The following NPIPB2 variants were observed in gnomAD, a reference collection of about 807,000 sequenced individuals.
The protein encoded by NPIPB2 is nuclear pore complex-interacting protein family member B2.
NPIPB2 carries 27 observed loss-of-function variants against 30.8 expected under a neutral mutation model. The observed-to-expected ratio is 0.88, with a 90% CI of 0.65 to 1.21. The LOEUF is 1.21. Ranked by LOEUF, NPIPB2 falls within the 50% of genes most tolerant of loss-of-function variation. NPIPB2 has a pLI of 0.00. For synonymous variants in NPIPB2, 147 were observed against 162.0 expected (o/e 0.91, Z 0.70); for missense variants, 440 against 446.2 (o/e 0.99, Z 0.13).
At chr16:11,964,952 G>GCTTA (rs2055181654) in intron 1 of NPIPB2, among the ~76,000 whole-genome samples, 1 of 152,164 alleles carries the variant, frequency 6.6e-6, no homozygotes, top group Non-Finnish European at 1.5e-5. Flanking sequence ...ATTAACAGAT[G>GCTTA]TTCCAGAAAC....
upstream of NPIPB2, among the ~76,000 whole-genome samples, chr16:11,942,268 AGT>A (rs2054952081): frequency 2.0e-5 from 3 of 148,788 alleles, no homozygotes; most frequent in African/African-American, 4.9e-5. Context: ...CTGTGCTAGA[AGT>A]CAATGATTAA....
upstream of NPIPB2, among the ~76,000 whole-genome samples, chr16:11,943,707 T>TA (rs913027578): frequency 2.2e-4 from 25 of 112,494 alleles, no homozygotes; most frequent in East Asian, 2.7e-4. Context: ...CGTCTTAAAA[T>TA]AAAAAAAAAA....
At chr16:11,969,013 C>T (rs1157717050) in intron 1 of NPIPB2, among the ~76,000 whole-genome samples, 6 of 151,886 alleles carry the variant, frequency 4.0e-5, no homozygotes, top group East Asian at 3.9e-4. Flanking sequence ...ATTACAGGCA[C>T]GTGGCACCAT....
At chr16:11,951,666 A>ACACACACACACACACACCC (rs1226047972) in intron 1 of NPIPB2, among the ~76,000 whole-genome samples, 1 of 138,868 alleles carries the variant, frequency 7.2e-6, no homozygotes, top group Non-Finnish European at 1.6e-5. Context: ...ACACACACAC[A>ACACACACACACACACACCC]CCCAGCCCCC....
intron 2 of NPIPB2, among the ~76,000 whole-genome samples, chr16:11,934,679 T>C (rs2054841376): frequency 6.6e-6 from 1 of 150,876 alleles, no homozygotes; most frequent in South Asian, 2.1e-4. Context: ...GGCAACATGG[T>C]GAAACCCCGT....
At chr16:11,933,673 G>T (rs1244503867) in exon 4 of NPIPB2, 8 of 1,596,882 alleles carry the variant, frequency 5.0e-6, no homozygotes, top group Non-Finnish European at 6.8e-6. Context: ...TGGAAAGGAA[G>T]AAACTCTTTT....
intron 1 of NPIPB2, among the ~76,000 whole-genome samples, chr16:11,960,868 TTTTC>T (rs955719606): frequency 4.0e-5 from 6 of 151,234 alleles, no homozygotes; most frequent in Non-Finnish European, 8.8e-5. Flanking sequence ...TTTTTCTTTC[TTTTC>T]TTTTTTTTTT....
intron 1 of NPIPB2, among the ~76,000 whole-genome samples, chr16:11,956,720 G>T (rs2055115796): frequency 1.3e-5 from 2 of 152,178 alleles, no homozygotes; most frequent in Non-Finnish European, 2.9e-5. Flanking sequence ...AGAATGCCCA[G>T]GAGGAACACT....
chr16:11,976,458 C>G lies in NPIPB2; in HGVS notation c.-584+110G>C, dbSNP rs149027803. On this transcript the variant is annotated intron_variant, in intron 1 of 5. Coordinates refer to the NPIPB2 transcript ENST00000538896. ...TTTTTATTTCCTTTCCCGCTCGCATCCCTCTCTGGGACGAAGTCGCCCCAT... is the reference window on the plus strand; with the variant it reads ...TTTTTATTTCCTTTCCCGCTCGCATGCCTCTCTGGGACGAAGTCGCCCCAT... The G allele has an allele frequency of 6.3e-4, 189 of 298,530 alleles. 1 individual carries two copies. Among genetic ancestry groups the G allele is most frequent in the African/African-American group, 3.9e-3 (178 of 45,824 alleles). 18.5% of individuals were successfully genotyped at this position (298,530 alleles called of 1,614,324 possible).
intron 1 of NPIPB2, among the ~76,000 whole-genome samples, chr16:11,969,143 C>T (rs2856799): frequency 2.0e-5 from 3 of 151,710 alleles, no homozygotes; most frequent in East Asian, 1.9e-4. Flanking sequence ...TTGGGATTAC[C>T]GGTGTGAGCT....
At chr16:11,953,461 C>G (rs1040992046) in intron 1 of NPIPB2, among the ~76,000 whole-genome samples, 1 of 152,150 alleles carries the variant, frequency 6.6e-6, no homozygotes, top group African/African-American at 2.4e-5. Context: ...AGCGATTCTC[C>G]TGCCTCAGCC....
At chr16:11,975,023 C>T (rs1302662984) in intron 1 of NPIPB2, among the ~76,000 whole-genome samples, 2 of 151,002 alleles carry the variant, frequency 1.3e-5, no homozygotes, top group Admixed American at 6.6e-5. Flanking sequence ...TGCAGTGAGC[C>T]AAGATCGCGC....
intron 1 of NPIPB2, among the ~76,000 whole-genome samples, chr16:11,951,619 T>TACCCATACACAC (rs1555509396): frequency 7.3e-4 from 85 of 115,898 alleles, no homozygotes; most frequent in Non-Finnish European, 1.1e-3. Flanking sequence ...ACACTGCACA[T>TACCCATACACAC]ACACATACAC....
intron 1 of NPIPB2, among the ~76,000 whole-genome samples, chr16:11,951,548 T>C (rs999483704): frequency 4.6e-5 from 7 of 150,900 alleles, no homozygotes; most frequent in Non-Finnish European, 7.4e-5. Context: ...TGGTTCTTTA[T>C]ACATCCTTCT....
chr16:11,975,401 C>G (rs7202587), intron 1 of NPIPB2, among the ~76,000 whole-genome samples: 4 of 150,358 alleles, frequency 2.7e-5, no homozygotes, highest in Non-Finnish European at 5.9e-5. Flanking sequence ...CCCGCCTCGG[C>G]CTCCCAAAGT....
At chr16:11,938,823 A>C (rs1260592327) in intron 1 of NPIPB2, among the ~76,000 whole-genome samples, 1 of 152,094 alleles carries the variant, frequency 6.6e-6, no homozygotes, top group Non-Finnish European at 1.5e-5. Flanking sequence ...ATCTCAGCTC[A>C]CTGCAACCTC....
At chr16:11,974,398 T>G (rs2055254440) in intron 1 of NPIPB2, among the ~76,000 whole-genome samples, 1 of 152,048 alleles carries the variant, frequency 6.6e-6, no homozygotes, top group South Asian at 2.1e-4. Flanking sequence ...ACACCTGTAA[T>G]CCTACCTACT....
chr16:11,932,321 T>C (rs905697234), intron 4 of NPIPB2, among the ~76,000 whole-genome samples: 6 of 150,746 alleles, frequency 4.0e-5, no homozygotes, highest in Admixed American at 2.6e-4. Context: ...GACCAAAACA[T>C]GAAAGACTGT....
intron 1 of NPIPB2, among the ~76,000 whole-genome samples, chr16:11,954,575 ACT>A (rs1421698398): frequency 1.3e-5 from 2 of 152,012 alleles, no homozygotes; most frequent in African/African-American, 4.8e-5. Flanking sequence ...AAGAAAAAAG[ACT>A]CGATACATAT....
Sources: allele counts gnomAD v4.1 joint callset (sites outside exome capture counted in the v4.1 genomes callset), GRCh38; gene constraint gnomAD v4.1.1; transcripts MANE v1.5; gene names NCBI Gene and HGNC (gene_info 2026-07-23, HGNC 2026-07-21).